BICD1: variants seen among roughly 807,000 people sequenced by gnomAD.
BICD1 encodes the protein protein bicaudal D homolog 1.
In BICD1, 35 loss-of-function variants were observed where a neutral mutation model predicts 92.5. The ratio of observed to expected loss-of-function variants is 0.38; its 90% confidence interval spans 0.29 to 0.50. BICD1 has a LOEUF of 0.50. Ranked by LOEUF, BICD1 falls within the 20% of genes least tolerant of loss-of-function variation. The pLI is 0.93. For missense variants in BICD1, 950 were observed against 1,189.8 expected (o/e 0.80, Z 2.97); for synonymous variants, 429 against 465.1 (o/e 0.92, Z 1.00).
intron 2 of BICD1, among the ~76,000 whole-genome samples, chr12:32,246,647 C>A (rs909895763): frequency 6.6e-6 from 1 of 152,080 alleles, no homozygotes; most frequent in South Asian, 2.1e-4. Flanking sequence ...CAAAAAAAAT[C>A]ATCTTTACAG....
At chr12:32,137,859 G>T (rs374191791) in intron 1 of BICD1, among the ~76,000 whole-genome samples, 5 of 151,732 alleles carry the variant, frequency 3.3e-5, no homozygotes, top group African/African-American at 1.2e-4. Flanking sequence ...GTGCAGTGGC[G>T]CGATCTCAGT....
chr12:32,316,548 G>GC (rs1948505863), intron 4 of BICD1, among the ~76,000 whole-genome samples: 1 of 149,802 alleles, frequency 6.7e-6, no homozygotes. Context: ...CAATCCACCC[G>GC]CCTCAGCCTC....
At chr12:32,214,854 T>C (rs1945305973) in intron 1 of BICD1, among the ~76,000 whole-genome samples, 1 of 152,096 alleles carries the variant, frequency 6.6e-6, no homozygotes, top group Non-Finnish European at 1.5e-5. Flanking sequence ...CATTTTGGGT[T>C]CCCCCAACAC....
chr12:32,196,925 T>C (rs1592457503), intron 1 of BICD1, among the ~76,000 whole-genome samples: 2 of 152,200 alleles, frequency 1.3e-5, no homozygotes, highest in African/African-American at 4.8e-5. Flanking sequence ...ATAAGTACTT[T>C]AAAATTTTAC....
At chr12:32,157,715 C>G (rs991208908) in intron 1 of BICD1, among the ~76,000 whole-genome samples, 2 of 152,180 alleles carry the variant, frequency 1.3e-5, no homozygotes, top group African/African-American at 4.8e-5. Context: ...CTCTTCTTCC[C>G]CCTTTTTTCT....
chr12:32,248,192 T>C (rs2136098667), intron 2 of BICD1, among the ~76,000 whole-genome samples: 1 of 152,284 alleles, frequency 6.6e-6, no homozygotes, highest in African/African-American at 2.4e-5. Flanking sequence ...AATGCAGAAC[T>C]GTGTGAGTAA....
intron 2 of BICD1, among the ~76,000 whole-genome samples, chr12:32,263,606 C>G (rs965872629): frequency 2.0e-5 from 3 of 149,808 alleles, no homozygotes; most frequent in African/African-American, 7.3e-5. Context: ...CAAGTATTAA[C>G]AAATAAAAGA....
At chr12:32,342,182 GTA>G (rs200952681) in intron 8 of BICD1, among the ~76,000 whole-genome samples, 1,317 of 110,692 alleles carry the variant, frequency 0.012, 11 homozygotes, top group Middle Eastern at 0.03. Flanking sequence ...ATATATGTGT[GTA>G]TATATATATG....
intron 8 of BICD1, chr12:32,340,678 A>G (rs936515492): frequency 1.2e-5 from 4 of 322,568 alleles, no homozygotes; most frequent in Non-Finnish European, 1.8e-5. Context: ...TTATCATTAC[A>G]TTGTTTAAGC....
intron 9 of BICD1, among the ~76,000 whole-genome samples, chr12:32,374,528 A>G (rs1387403672): frequency 6.6e-6 from 1 of 150,436 alleles, no homozygotes; most frequent in Non-Finnish European, 1.5e-5. Context: ...GAATCTTGCC[A>G]TACATTATTT....
chr12:32,245,339 C>T (rs1341524742), intron 2 of BICD1, among the ~76,000 whole-genome samples: 1 of 151,956 alleles, frequency 6.6e-6, no homozygotes, highest in Admixed American at 6.6e-5. Context: ...CTCCCCCTCC[C>T]AGGTTCACGC....
intron 1 of BICD1, among the ~76,000 whole-genome samples, chr12:32,126,568 C>A (rs1942348977): frequency 6.6e-6 from 1 of 151,918 alleles, no homozygotes; most frequent in Non-Finnish European, 1.5e-5. Flanking sequence ...ATCAGCCTGG[C>A]CAACATAGTG....
chr12:32,311,072 A>T (rs1275431494), intron 4 of BICD1, among the ~76,000 whole-genome samples: 4 of 152,208 alleles, frequency 2.6e-5, no homozygotes, highest in Non-Finnish European at 5.9e-5. Flanking sequence ...ATTTATTCTG[A>T]GCCAAGTATG....
chr12:32,196,679 G>A (rs577122911), intron 1 of BICD1, among the ~76,000 whole-genome samples: 1 of 152,264 alleles, frequency 6.6e-6, no homozygotes, highest in East Asian at 1.9e-4. Flanking sequence ...GTTTTAAGAT[G>A]AATAAGTTCA....
intron 3 of BICD1, among the ~76,000 whole-genome samples, chr12:32,305,269 A>C (rs991381388): frequency 6.6e-6 from 1 of 152,166 alleles, no homozygotes; most frequent in Non-Finnish European, 1.5e-5. Context: ...TGGTGATGAT[A>C]CAATCTTTTC....
intron 8 of BICD1, among the ~76,000 whole-genome samples, chr12:32,342,403 C>T (rs986081279): frequency 2.6e-5 from 4 of 150,992 alleles, no homozygotes; most frequent in Admixed American, 6.6e-5. Context: ...TACAGGCGCC[C>T]GTCACCACAC....
rs571880112 is a variant in BICD1 at position 32,299,634 on chromosome 12, C to G, written c.579+5488C>G. 3.3e-5 allele frequency among the ~76,000 whole-genome samples: 5 copies of G among 152,132 alleles called. No homozygotes were observed. In the South Asian group the frequency reaches 1.0e-3, roughly 32 times the overall value. ...ATCCCAACACTTTAGGAGGCCAAGTCACGAGGATCACTTGAGTTTGAAACC... is the reference window on the plus strand; with the variant it reads ...ATCCCAACACTTTAGGAGGCCAAGTGACGAGGATCACTTGAGTTTGAAACC... On this transcript the variant is annotated intron_variant, in intron 3 of 9. Coordinates refer to ENST00000652176, the MANE Select transcript of BICD1 (RefSeq NM_001714.4).
intron 1 of BICD1, among the ~76,000 whole-genome samples, chr12:32,139,950 C>T (rs1942854712): frequency 6.6e-6 from 1 of 152,166 alleles, no homozygotes; most frequent in Non-Finnish European, 1.5e-5. Context: ...TTATACCAGC[C>T]GAGAAGCAGC....
At chr12:32,366,066 C>A (rs927807350) in intron 8 of BICD1, among the ~76,000 whole-genome samples, 2 of 152,180 alleles carry the variant, frequency 1.3e-5, no homozygotes, top group Non-Finnish European at 2.9e-5. Context: ...GTAATGTTTT[C>A]TTGAGTGAAC....
Sources: allele counts gnomAD v4.1 joint callset (sites outside exome capture counted in the v4.1 genomes callset), GRCh38; gene constraint gnomAD v4.1.1; transcripts MANE v1.5; gene names NCBI Gene and HGNC (gene_info 2026-07-23, HGNC 2026-07-21).